The following PWP2 variants were observed in gnomAD, a reference collection of about 807,000 sequenced individuals.
The protein encoded by PWP2 is periodic tryptophan protein 2 homolog.
For missense variants in PWP2, 35 were observed against 114.1 expected, an observed-to-expected ratio of 0.31 and a Z score of 3.16; for synonymous variants, 24 against 45.4, an observed-to-expected ratio of 0.53 and a Z score of 1.89.
chr21:44,120,246 G>T (rs2039280285), intron 10 of PWP2, 102 bp from the exon 11 acceptor site: 1 of 324,292 alleles, frequency 3.1e-6, no homozygotes, highest in African/African-American at 3.1e-5. Context: ...GGGCAGTACA[G>T]GGGCAAGCAT....
intron 9 of PWP2, 42 bp from the exon 10 acceptor site, chr21:44,119,345 G>C (rs1361200282): frequency 1.8e-6 from 1 of 551,652 alleles, no homozygotes; most frequent in African/African-American, 1.6e-5. Context: ...CTGACCTGGG[G>C]TGGGCCTGAG....
chr21:44,131,096 TAAAG>T lies in PWP2; in HGVS notation c.*328_*331del, dbSNP rs374651407. ...TTATATCTTTAACATAAAGGTTTGA[TAAAG>T]AACTTAGGGATTAAAAAAAAGATGG... is the stretch of plus-strand genomic sequence containing the variant. On this transcript the variant is annotated 3_prime_UTR_variant, in exon 21 of 21. Coordinates refer to ENST00000291576, the MANE Select transcript of PWP2 (RefSeq NM_005049.3). 582 of 93,360 alleles carry T rather than the reference TAAAG, an allele frequency of 6.2e-3. 99 individuals are homozygous for T. The highest frequency in any genetic ancestry group is 0.015 in the African/African-American group (537 of 35,866). The allele number at this position is 93,360 out of a possible 1,614,324, so 5.8% of individuals were successfully genotyped here.
At position 44,118,505 on chromosome 21, in the gene PWP2, G is replaced by T. The variant is rs144638757; in HGVS notation, c.981-258G>T. ...TTTTTTGTCGAGACGGGTCTTGCTG[G>T]GTTTTCCCAGCCTGGTCTTGAACTC... On this transcript the variant is annotated intron_variant, in intron 8 of 20. Transcript: ENST00000291576. Among the ~76,000 whole-genome samples the T allele has an allele frequency of 5.2e-4, 27 of 52,406 alleles. 4 individuals are homozygous for T. The highest frequency in any genetic ancestry group is 1.7e-3 in the South Asian group (3 of 1,798). 34.4% of individuals were successfully genotyped at this position (52,406 alleles called of 152,430 possible). A position where few individuals can be genotyped will look rare whatever the true frequency, so the allele number is the denominator to read the frequency against.
chr21:44,129,120 G>A (rs1271165330), intron 20 of PWP2, among the ~76,000 whole-genome samples: 1 of 71,848 alleles, frequency 1.4e-5, no homozygotes, highest in African/African-American at 3.0e-5. Context: ...CCTCCGCAGT[G>A]CTCACTCTGC....
chr21:44,127,880 T>C, intron 17 of PWP2, 52 bp from the exon 18 acceptor site: 1 of 108,204 alleles, frequency 9.2e-6, no homozygotes. Context: ...AGAAAAAAAA[T>C]GTTGGGAGGA....
Position 44,124,657 on chromosome 21 carries a change from A to G in PWP2, c.1895A>G (p.Tyr632Cys). The G allele has an allele frequency of 3.9e-6, 2 of 510,158 alleles. 1 individual carries two copies. 31.6% of individuals were successfully genotyped at this position (510,158 alleles called of 1,614,324 possible). The change falls in exon 15 of 21, where the codon TAC becomes TGC. Residue 632 changes from tyrosine to cysteine, a missense_variant. Tyr to Cys is a radical substitution (Grantham distance 194). Coordinates refer to ENST00000291576, the MANE Select transcript of PWP2 (RefSeq NM_005049.3). ...GGCATGTCCAAGTTCGTGTGCATCT[A>G]CCACGTCCGTGAGCAGATTCTCATG... ...AGGMSKFVCI[Y>C]HVREQILMKR...
At chr21:44,127,794 G>A (rs773809298) in intron 17 of PWP2, 138 bp from the exon 18 acceptor site, 3 of 69,592 alleles carry the variant, frequency 4.3e-5, no homozygotes, top group Non-Finnish European at 8.2e-5. Context: ...AGAGGCAGAC[G>A]TCCCGGTTCC....
intron 2 of PWP2, among the ~76,000 whole-genome samples, chr21:44,112,137 G>A (rs1371131079): frequency 1.3e-5 from 1 of 74,796 alleles, no homozygotes; most frequent in East Asian, 4.1e-4. Context: ...GAGCATTTGT[G>A]AGGATTGACT....
rs139125137 is a variant in PWP2, at chr21:44,120,298, C to T, written c.1189-50C>T. ...TGGGGACAGGGATCCTGGCCGAAGC[C>T]GTGGCACACAGGGTTGGGGTCTGCC... On this transcript the variant is annotated intron_variant, in intron 10 of 20. Transcript: ENST00000291576. 518 of 569,816 alleles carry T rather than the reference C, an allele frequency of 9.1e-4. 125 individuals carry two copies. In the African/African-American group the frequency reaches 9.3e-3, roughly 10 times the overall value. The allele number at this position is 569,816 out of a possible 1,614,324, so 35.3% of individuals were successfully genotyped here. A position where few individuals can be genotyped will look rare whatever the true frequency, so the allele number is the denominator to read the frequency against.
At position 44,120,356 on chromosome 21, in the gene PWP2, G is replaced by A. The variant is rs150843287; in HGVS notation, c.1197G>A (p.Val399=). The change falls in exon 11 of 21, where the codon GTG becomes GTA. Residue 399 remains valine, a synonymous_variant. Coordinates refer to ENST00000291576, the MANE Select transcript of PWP2 (RefSeq NM_005049.3). ...VTGGDDGKVK[V]WNTLSGFCFV... ...CTCCTGTCCTGCCTCAGGTCAAGGT[G>A]TGGAACACCCTCAGCGGCTTCTGCT... 6.4e-5 allele frequency: 39 copies of A among 611,148 alleles called. 15 individuals carry two copies. The highest frequency in any genetic ancestry group is 1.0e-5 in the Non-Finnish European group (4 of 392,774). 37.9% of individuals were successfully genotyped at this position (611,148 alleles called of 1,614,324 possible). A position where few individuals can be genotyped will look rare whatever the true frequency, so the allele number is the denominator to read the frequency against.
rs202188977 is a variant in PWP2, at chr21:44,121,009, G to A, written c.1543G>A (p.Val515Ile). The A allele has an allele frequency of 8.0e-6, 5 of 625,320 alleles. 2 individuals are homozygous for A. Among genetic ancestry groups the A allele is most frequent in the South Asian group, 1.7e-5 (1 of 57,878 alleles). 38.7% of individuals were successfully genotyped at this position (625,320 alleles called of 1,614,324 possible). Residue 515 changes from valine (V) to isoleucine (I), a missense_variant, in exon 13 of 21, where the codon GTC becomes ATC. By Grantham distance (29) the Val-to-Ile change is conservative. Transcript: ENST00000291576. ...SGLCFNPMKS[V>I]LASASWDKTV... is the part of the protein sequence containing the mutation. Reference sequence around the variant, plus strand: ...TCTGTGTTTTAACCCAATGAAGTCCGTCCTGGCCAGTGCCTCCTGGGACAA... The same window carrying A: ...TCTGTGTTTTAACCCAATGAAGTCCATCCTGGCCAGTGCCTCCTGGGACAA...
rs908874896 is a variant in PWP2, at chr21:44,118,773, C to T, written c.991C>T (p.Gln331Ter). 2 of 634,914 alleles carry T rather than the reference C, an allele frequency of 3.2e-6. 1 individual carries two copies. The highest frequency in any genetic ancestry group is 6.5e-5 in the Admixed American group (2 of 30,750). The allele number at this position is 634,914 out of a possible 1,614,324, so 39.3% of individuals were successfully genotyped here. ...GCCCGTTCTCTGCAGCATTTCAGAT[C>T]AGAGCATCGCCTCAGTGGCCATCAA... Reference protein sequence around the residue: ...NLIHSLSISDQSIASVAINSS... With the variant: ...NLIHSLSISD The change falls in exon 9 of 21, where the codon CAG becomes TAG. Residue 331 changes from glutamine (Q) to a stop codon, truncating the protein, a stop_gained. Coordinates refer to ENST00000291576, the MANE Select transcript of PWP2 (RefSeq NM_005049.3). LOFTEE classifies it high-confidence loss of function.
intron 1 of PWP2, among the ~76,000 whole-genome samples, chr21:44,108,209 TC>T (rs923761032): frequency 5.1e-4 from 5 of 9,734 alleles, no homozygotes; most frequent in African/African-American, 8.1e-4. Context: ...TGCTCCTGTG[TC>T]CCCTGTGCTG....
chr21:44,120,981 TG>T lies in PWP2; in HGVS notation c.1517del (p.Gly506ValfsTer7). On this transcript the variant is annotated frameshift_variant, in exon 13 of 21. Transcript: ENST00000291576. LOFTEE classifies it high-confidence loss of function. ...TGTCTGGACACGAAGGGCCCATCAG[TG>T]GTCTGTGTTTTAACCCAATGAAGTC... ...VLSGHEGPIS[G>X]LCFNPMKSVL... 5.7e-6 allele frequency: 3 copies of T among 529,112 alleles called. No homozygotes were observed. The highest frequency in any genetic ancestry group is 9.6e-6 in the Non-Finnish European group (3 of 313,526). 32.8% of individuals were successfully genotyped at this position (529,112 alleles called of 1,614,324 possible).
rs957819090 is a variant in PWP2 at position 44,117,199 on chromosome 21, A to T, written c.837-621A>T. 2.9e-5 allele frequency among the ~76,000 whole-genome samples: 2 copies of T among 68,608 alleles called. 1 individual carries two copies. Among genetic ancestry groups the T allele is most frequent in the Non-Finnish European group, 9.5e-5 (2 of 21,008 alleles). The allele number at this position is 68,608 out of a possible 152,430, so 45.0% of individuals were successfully genotyped here. On this transcript the variant is annotated intron_variant, in intron 7 of 20. Transcript: ENST00000291576. ...GGGACTGGAGGAAGAGGAAGGGATG[A>T]TGGGCCCCCCAACCCCGCCCTGGGG...
Position 44,128,833 on chromosome 21 carries a change from G to T in PWP2, c.2585+207G>T, listed in dbSNP as rs1191526362. Reference sequence around the variant, plus strand: ...ATGGCCTGGCGCTGAATGGAAAGCAGTGAGCACTGTGGCAGGCAGACAGGC... The same window carrying T: ...ATGGCCTGGCGCTGAATGGAAAGCATTGAGCACTGTGGCAGGCAGACAGGC... On this transcript the variant is annotated intron_variant, in intron 20 of 20. Transcript: ENST00000291576. 5.3e-5 allele frequency among the ~76,000 whole-genome samples: 4 copies of T among 75,566 alleles called. 2 individuals are homozygous for T. The highest frequency in any genetic ancestry group is 1.8e-4 in the Non-Finnish European group (4 of 22,724). 49.6% of individuals were successfully genotyped at this position (75,566 alleles called of 152,430 possible).
intron 8 of PWP2, among the ~76,000 whole-genome samples, chr21:44,118,296 C>G (rs192794410): frequency 3.0e-4 from 2 of 6,660 alleles, no homozygotes; most frequent in Admixed American, 1.9e-3. Context: ...CTGGCCTCCC[C>G]TCTGGGCCTT....
rs144699601 is a variant in PWP2, at chr21:44,128,031, C to G, written c.2240C>G (p.Pro747Arg). 5 of 71,308 alleles carry G rather than the reference C, an allele frequency of 7.0e-5. No individual in the cohort carries two copies. Among genetic ancestry groups the G allele is most frequent in the African/African-American group, 5.0e-4 (5 of 9,968 alleles). 4.4% of individuals were successfully genotyped at this position (71,308 alleles called of 1,614,324 possible). Residue 747 changes from proline to arginine, a missense_variant, in exon 18 of 21, where the codon CCC becomes CGC. Coordinates refer to ENST00000291576, the MANE Select transcript of PWP2 (RefSeq NM_005049.3). The part of the protein sequence containing the change: ...DPFELDTSVT[P>R]GRVREALRQQ... ...TTTGAGCTGGACACCAGCGTCACCCCCGGGAGGGTGCGCGAGGCACTGCGC... is the reference window on the plus strand; with the variant it reads ...TTTGAGCTGGACACCAGCGTCACCCGCGGGAGGGTGCGCGAGGCACTGCGC...
rs777972184 is a variant in PWP2, at chr21:44,119,377, G to C, written c.1052-10G>C. 2.8e-5 allele frequency: 16 copies of C among 569,900 alleles called. 3 individuals carry two copies. The highest frequency in any genetic ancestry group is 2.3e-4 in the African/African-American group (14 of 61,730). The allele number at this position is 569,900 out of a possible 1,614,324, so 35.3% of individuals were successfully genotyped here. ...TGAGCCGGGTACCCCAGCTTCCCCCGTGTGCACAGGCCTGGGCCAGCTGCT... is the reference window on the plus strand; with the variant it reads ...TGAGCCGGGTACCCCAGCTTCCCCCCTGTGCACAGGCCTGGGCCAGCTGCT... On this transcript the variant is annotated splice_polypyrimidine_tract_variant and intron_variant, in intron 9 of 20. Transcript: ENST00000291576.
Sources: gnomAD v4.1 joint callset for allele counts (sites outside exome capture counted in the v4.1 genomes callset) on GRCh38, gnomAD v4.1.1 for gene constraint, MANE v1.5 for transcripts, NCBI Gene and HGNC (gene_info 2026-07-23, HGNC 2026-07-21) for gene names.